Variants in GNAQ observed in about 807,000 individuals in gnomAD.
GNAQ encodes the protein G protein subunit alpha q.
Under a neutral mutation model 43.9 loss-of-function variants are expected in GNAQ, and 8 were observed. That is an observed-to-expected ratio of 0.18 (90% CI 0.11 to 0.33). The LOEUF (loss-of-function observed/expected upper bound fraction) is 0.33, where lower values mean the gene tolerates loss of function less well. Among genes scored for constraint, GNAQ ranks in the 10% least tolerant of loss-of-function variants. GNAQ has a pLI of 1.00. For synonymous variants in GNAQ, 155 were observed against 170.7 expected (o/e 0.91, Z 0.71); for missense variants, 158 against 450.8 (o/e 0.35, Z 5.88).
At chr9:77,974,257 C>G (rs1428320560) in intron 1 of GNAQ, among the ~76,000 whole-genome samples, 1 of 152,070 alleles carries the variant, frequency 6.6e-6, no homozygotes, top group African/African-American at 2.4e-5. Context: ...AAACAGGGAC[C>G]CTCCAGATGC....
intron 1 of GNAQ, among the ~76,000 whole-genome samples, chr9:77,956,309 G>A (rs1164348591): frequency 6.6e-6 from 1 of 152,144 alleles, no homozygotes; most frequent in Admixed American, 6.5e-5. Context: ...GGAACTACTA[G>A]AAAAACAATT....
intron 5 of GNAQ, among the ~76,000 whole-genome samples, chr9:77,757,306 T>C (rs1483159526): frequency 1.3e-5 from 2 of 152,182 alleles, no homozygotes; most frequent in Admixed American, 1.3e-4. Flanking sequence ...TAAAAACCTA[T>C]GATGACTATA....
chr9:77,986,595 T>C (rs2118509938), intron 1 of GNAQ, among the ~76,000 whole-genome samples: 1 of 152,278 alleles, frequency 6.6e-6, no homozygotes, highest in African/African-American at 2.4e-5. Flanking sequence ...AGGCTCGACA[T>C]ACTGGGCTCA....
In GNAQ at chr9:77,775,436, G is replaced by C. The variant is rs557583942; in HGVS notation, c.735+19027C>G. The stretch of plus-strand genomic sequence containing the variant: ...TTTTTTTTTTTTTTTTTGAGACAGA[G>C]TCTCGCTCTATCACCCAGGCTGGAG... On this transcript the variant is annotated intron_variant, in intron 5 of 6. Coordinates refer to ENST00000286548, the MANE Select transcript of GNAQ (RefSeq NM_002072.5). Among the ~76,000 whole-genome samples, 113 of 129,404 alleles carry C rather than the reference G, an allele frequency of 8.7e-4. 1 individual carries two copies. The highest frequency in any genetic ancestry group is 8.7e-3 in the Admixed American group (106 of 12,174). The allele number at this position is 129,404 out of a possible 152,430, so 84.9% of individuals were successfully genotyped here.
intron 2 of GNAQ, among the ~76,000 whole-genome samples, chr9:77,887,710 T>C (rs150016821): frequency 2.5e-3 from 382 of 152,310 alleles, no homozygotes; most frequent in South Asian, 4.4e-3. Context: ...CATATATTCT[T>C]AGAAATATTA....
chr9:77,787,409 A>AT (rs1193839456), intron 5 of GNAQ, among the ~76,000 whole-genome samples: 10 of 152,304 alleles, frequency 6.6e-5, no homozygotes, highest in South Asian at 2.1e-4. Context: ...ACTGCTGTAT[A>AT]TTTTTTGTGT....
chr9:77,975,196 A>G (rs1176527507), intron 1 of GNAQ, among the ~76,000 whole-genome samples: 1 of 152,226 alleles, frequency 6.6e-6, no homozygotes, highest in African/African-American at 2.4e-5. Context: ...AAAAAATTGT[A>G]TTGCAGCAAA....
At chr9:77,844,893 T>G (rs1202116078) in intron 2 of GNAQ, among the ~76,000 whole-genome samples, 3 of 152,260 alleles carry the variant, frequency 2.0e-5, no homozygotes, top group South Asian at 4.1e-4. Flanking sequence ...CAGGCTGGTC[T>G]CGAACTCCTG....
chr9:77,947,204 T>G (rs2118363048), intron 1 of GNAQ, among the ~76,000 whole-genome samples: 1 of 152,366 alleles, frequency 6.6e-6, no homozygotes, highest in South Asian at 2.1e-4. Context: ...TATAATTACT[T>G]ATGTAACAAG....
intron 2 of GNAQ, among the ~76,000 whole-genome samples, chr9:77,863,287 C>T (rs1271576983): frequency 6.6e-6 from 1 of 152,136 alleles, no homozygotes; most frequent in East Asian, 1.9e-4. Flanking sequence ...TCTAAATCAT[C>T]TCTCTCAAGT....
intron 2 of GNAQ, among the ~76,000 whole-genome samples, chr9:77,821,057 T>TA (rs767144274): frequency 2.0e-5 from 3 of 152,230 alleles, no homozygotes; most frequent in Non-Finnish European, 4.4e-5. Context: ...GTATGTTAAA[T>TA]ACAATGTTCT....
In GNAQ at chr9:77,949,985, A is replaced by G. The variant is rs148114935; in HGVS notation, c.137-27640T>C. Among the ~76,000 whole-genome samples, 240 of 152,232 alleles carry G rather than the reference A, an allele frequency of 1.6e-3. 2 individuals are homozygous for G. The highest frequency in any genetic ancestry group is 4.9e-3 in the African/African-American group (204 of 41,550). ...CCATCTGGTGTAAAACAACCCTCAC[A>G]TAATCCCCCCTCCTCCAGCTCCATT... is the stretch of plus-strand genomic sequence containing the variant. On this transcript the variant is annotated intron_variant, in intron 1 of 6. Coordinates refer to ENST00000286548, the MANE Select transcript of GNAQ (RefSeq NM_002072.5).
intron 2 of GNAQ, among the ~76,000 whole-genome samples, chr9:77,859,881 G>A (rs1564132504): frequency 6.6e-6 from 1 of 152,082 alleles, no homozygotes; most frequent in Non-Finnish European, 1.5e-5. Flanking sequence ...AGGTCTTATC[G>A]GTCCTGGCAA....
In GNAQ at chr9:77,718,939, G is replaced by A. The variant is rs12346272; in HGVS notation, c.*2384C>T. 1 of 231,802 alleles carries A rather than the reference G, an allele frequency of 4.3e-6. No individual in the cohort carries two copies. Among genetic ancestry groups the A allele is most frequent in the Admixed American group, 5.6e-5 (1 of 17,710 alleles). The allele number at this position is 231,802 out of a possible 1,614,324, so 14.4% of individuals were successfully genotyped here. A position where few individuals can be genotyped will look rare whatever the true frequency, so the allele number is the denominator to read the frequency against. On this transcript the variant is annotated 3_prime_UTR_variant, in exon 7 of 7. Transcript: ENST00000286548. ...TATAAAAGCTCATATTCCAATCCTAGATCAAATGGCAAAAGTTCTACAAAG... is the reference window on the plus strand; with the variant it reads ...TATAAAAGCTCATATTCCAATCCTAAATCAAATGGCAAAAGTTCTACAAAG...
intron 2 of GNAQ, among the ~76,000 whole-genome samples, chr9:77,912,895 C>T (rs1828831813): frequency 6.6e-6 from 1 of 152,092 alleles, no homozygotes; most frequent in Non-Finnish European, 1.5e-5. Context: ...CCCCTGTAAT[C>T]CCAGCTGTGG....
At chr9:78,011,124 G>C (rs769755411) in intron 1 of GNAQ, among the ~76,000 whole-genome samples, 1 of 152,170 alleles carries the variant, frequency 6.6e-6, no homozygotes, top group Non-Finnish European at 1.5e-5. Flanking sequence ...TCATCAAAGT[G>C]GCTGGCTCAC....
intron 1 of GNAQ, among the ~76,000 whole-genome samples, chr9:77,951,021 G>A (rs1052978761): frequency 1.3e-5 from 2 of 149,880 alleles, no homozygotes; most frequent in Non-Finnish European, 3.0e-5. Context: ...TGTATATCCT[G>A]TATCTTCACC....
At chr9:77,802,681 G>GT (rs1404121936) in intron 3 of GNAQ, among the ~76,000 whole-genome samples, 1 of 152,108 alleles carries the variant, frequency 6.6e-6, no homozygotes, top group African/African-American at 2.4e-5. Flanking sequence ...TGTTGCCATG[G>GT]TGCCAGGCAC....
Position 77,717,841 on chromosome 9 carries a change from A to C in GNAQ, c.*3482T>G. The stretch of plus-strand genomic sequence containing the variant: ...TAAAATTTTTTTTTCCAGTCTATTC[A>C]TGACATTCAACAGAGCTCTTTATAT... On this transcript the variant is annotated 3_prime_UTR_variant, in exon 7 of 7. Transcript: ENST00000286548. The C allele has an allele frequency of 4.3e-6, 1 of 232,444 alleles. No individual in the cohort carries two copies. The highest frequency in any genetic ancestry group is 8.5e-6 in the Non-Finnish European group (1 of 117,632). 14.4% of individuals were successfully genotyped at this position (232,444 alleles called of 1,614,324 possible).
Sources: gnomAD v4.1 joint callset for allele counts (sites outside exome capture counted in the v4.1 genomes callset) on GRCh38, gnomAD v4.1.1 for gene constraint, MANE v1.5 for transcripts, NCBI Gene and HGNC (gene_info 2026-07-23, HGNC 2026-07-21) for gene names.